The following NKAIN3 variants were observed in gnomAD, a reference collection of about 807,000 sequenced individuals.
NKAIN3 encodes sodium/potassium transporting ATPase interacting 3, also known as sodium/potassium-transporting ATPase subunit beta-1-interacting protein 3.
In NKAIN3, 25 loss-of-function variants were observed where a neutral mutation model predicts 30.2. The ratio of observed to expected loss-of-function variants is 0.83; its 90% CI spans 0.60 to 1.16. NKAIN3 has a LOEUF of 1.16. Among genes scored for constraint, NKAIN3 ranks in the 50% most tolerant of loss-of-function variants. The pLI is 0.00. For missense variants in NKAIN3, 225 were observed against 254.1 expected (o/e 0.89, Z 0.78); for synonymous variants, 91 against 89.6 (o/e 1.02, Z -0.09).
chr8:62,249,130 G>C lies in NKAIN3; in HGVS notation c.54+3G>C. 1 of 1,535,268 alleles carries C rather than the reference G, an allele frequency of 6.5e-7. No homozygotes were observed. Reference sequence around the variant, plus strand: ...TCTGCCTCTGCGCGCTGCAGTTGGTGAGTGCCCCGAGGGCCCCTGCCCCAG... The same window carrying C: ...TCTGCCTCTGCGCGCTGCAGTTGGTCAGTGCCCCGAGGGCCCCTGCCCCAG... On this transcript the variant is annotated splice_donor_region_variant and intron_variant, in intron 1 of 6. Transcript: ENST00000623646.
intron 4 of NKAIN3, among the ~76,000 whole-genome samples, chr8:62,771,006 C>T (rs1011264224): frequency 1.3e-5 from 2 of 152,026 alleles, no homozygotes; most frequent in African/African-American, 4.8e-5. Context: ...GAAAGTGTGA[C>T]TCAAACTCCA....
intron 1 of NKAIN3, among the ~76,000 whole-genome samples, chr8:62,333,128 T>C (rs971748531): frequency 2.0e-5 from 3 of 152,144 alleles, no homozygotes; most frequent in African/African-American, 7.2e-5. Context: ...AATGTGTAAT[T>C]TCTCTATCAA....
chr8:62,459,684 T>C lies in NKAIN3; in HGVS notation c.55-119855T>C, dbSNP rs182692637. On this transcript the variant is annotated intron_variant, in intron 1 of 6. Coordinates refer to ENST00000623646, the MANE Select transcript of NKAIN3 (RefSeq NM_001304533.3). ...GTTTCTATGATAAATTGATATAAGATCAGAAATCTAATGGGAAAATGGAGT... is the reference window on the plus strand; with the variant it reads ...GTTTCTATGATAAATTGATATAAGACCAGAAATCTAATGGGAAAATGGAGT... 2.4e-3 allele frequency among the ~76,000 whole-genome samples: 360 copies of C among 152,076 alleles called. 2 individuals carry two copies. The highest frequency in any genetic ancestry group is 8.4e-3 in the African/African-American group (348 of 41,480).
chr8:62,926,804 CATCT>C (rs1206883157), intron 5 of NKAIN3, among the ~76,000 whole-genome samples: 2 of 152,146 alleles, frequency 1.3e-5, no homozygotes, highest in Admixed American at 1.3e-4. Flanking sequence ...TGTCTGTATC[CATCT>C]GTGATCATCA....
chr8:62,766,133 C>T lies in NKAIN3; in HGVS notation c.471+19004C>T, dbSNP rs6981700. 9.1e-3 allele frequency among the ~76,000 whole-genome samples: 1,387 copies of T among 152,100 alleles called. 24 individuals are homozygous for T. The highest frequency in any genetic ancestry group is 0.031 in the African/African-American group (1,289 of 41,474). ...CAGATATAAAACATGTTGACACAGT[C>T]CTATGCTGATGATTATTGGTTATTA... On this transcript the variant is annotated intron_variant, in intron 4 of 6. Coordinates refer to ENST00000623646, the MANE Select transcript of NKAIN3 (RefSeq NM_001304533.3).
chr8:62,276,802 A>G (rs968136240), intron 1 of NKAIN3, among the ~76,000 whole-genome samples: 1 of 152,202 alleles, frequency 6.6e-6, no homozygotes, highest in African/African-American at 2.4e-5. Flanking sequence ...TTTTGGTAGG[A>G]ATAGTTTTGT....
chr8:62,862,946 T>G, intron 4 of NKAIN3: 1 of 418,000 alleles, frequency 2.4e-6, no homozygotes, highest in East Asian at 5.3e-5. Flanking sequence ...TTTTCAGTGT[T>G]TTAAGTGTCT....
At chr8:62,529,608 A>G (rs1396044829) in intron 1 of NKAIN3, among the ~76,000 whole-genome samples, 1 of 152,118 alleles carries the variant, frequency 6.6e-6, no homozygotes, top group African/African-American at 2.4e-5. Context: ...ACCATCTGAG[A>G]GGCAAGCAGC....
intron 3 of NKAIN3, among the ~76,000 whole-genome samples, chr8:62,630,190 T>C (rs1329579500): frequency 1.3e-5 from 2 of 152,148 alleles, no homozygotes; most frequent in Non-Finnish European, 2.9e-5. Flanking sequence ...AGTTCAGTAC[T>C]ATTCTCTTTT....
intron 4 of NKAIN3, among the ~76,000 whole-genome samples, chr8:62,752,919 CAA>C (rs1191044710): frequency 2.6e-5 from 4 of 152,006 alleles, no homozygotes; most frequent in Non-Finnish European, 4.4e-5. Flanking sequence ...GATGCAGACG[CAA>C]TTTGTTTGGA....
chr8:62,459,329 G>A (rs1470938189), intron 1 of NKAIN3, among the ~76,000 whole-genome samples: 1 of 152,162 alleles, frequency 6.6e-6, no homozygotes, highest in Non-Finnish European at 1.5e-5. Context: ...TGTCAGCCTT[G>A]TCAGGGCTGC....
At chr8:62,843,443 T>C (rs1819588099) in intron 4 of NKAIN3, among the ~76,000 whole-genome samples, 1 of 151,850 alleles carries the variant, frequency 6.6e-6, no homozygotes, top group African/African-American at 2.4e-5. Flanking sequence ...TTCAAGTGAT[T>C]CTCCTGCCTC....
intron 3 of NKAIN3, among the ~76,000 whole-genome samples, chr8:62,635,005 G>A (rs143763718): frequency 1.9e-3 from 282 of 152,170 alleles, no homozygotes; most frequent in African/African-American, 6.6e-3. Flanking sequence ...AACAAGACAA[G>A]AGAGAACCTG....
At chr8:62,846,727 T>A (rs534497788) in intron 4 of NKAIN3, among the ~76,000 whole-genome samples, 4 of 152,190 alleles carry the variant, frequency 2.6e-5, no homozygotes, top group East Asian at 1.9e-4. Context: ...ATTTAGTCTA[T>A]CCTTGGTAGG....
At chr8:62,539,032 T>C (rs1246925518) in intron 1 of NKAIN3, among the ~76,000 whole-genome samples, 2 of 152,190 alleles carry the variant, frequency 1.3e-5, no homozygotes, top group Non-Finnish European at 2.9e-5. Flanking sequence ...ATTCAGTGTA[T>C]GTTTGGCAAA....
At chr8:62,856,365 G>A in intron 4 of NKAIN3, 2 of 850,304 alleles carry the variant, frequency 2.4e-6, no homozygotes, top group Non-Finnish European at 4.1e-6. Context: ...GGTCTCCTTG[G>A]AGTGAACCTT....
intron 4 of NKAIN3, among the ~76,000 whole-genome samples, chr8:62,817,597 G>A (rs917078112): frequency 6.6e-6 from 1 of 152,020 alleles, no homozygotes; most frequent in African/African-American, 2.4e-5. Flanking sequence ...GAGCCAACAG[G>A]CATCTTGGTT....
chr8:62,453,868 A>C (rs1411243098), intron 1 of NKAIN3, among the ~76,000 whole-genome samples: 1 of 152,142 alleles, frequency 6.6e-6, no homozygotes, highest in Non-Finnish European at 1.5e-5. Context: ...CAAGTTCTGA[A>C]ATGGAATAAA....
At chr8:62,930,361 C>A (rs1015949559) in intron 5 of NKAIN3, among the ~76,000 whole-genome samples, 4 of 152,092 alleles carry the variant, frequency 2.6e-5, no homozygotes, top group Admixed American at 2.6e-4. Flanking sequence ...TCAAACAATT[C>A]TCCTGCCTCA....
Sources: allele counts gnomAD v4.1 joint callset (sites outside exome capture counted in the v4.1 genomes callset), GRCh38; gene constraint gnomAD v4.1.1; transcripts MANE v1.5; gene names NCBI Gene and HGNC (gene_info 2026-07-23, HGNC 2026-07-21).